KANSL1: variants seen among roughly 807,000 people sequenced by gnomAD.
KANSL1 encodes KAT8 regulatory NSL complex subunit 1.
Under a neutral mutation model 103.6 loss-of-function variants are expected in KANSL1, and 22 were observed. That is an observed-to-expected ratio of 0.21 (90% CI 0.15 to 0.30). The LOEUF is 0.30. Ranked by LOEUF, KANSL1 falls within the 10% of genes least tolerant of loss-of-function variation. KANSL1 has a pLI of 1.00. For missense variants in KANSL1, 1,337 were observed against 1,399.8 expected (o/e 0.96, Z 0.72); for synonymous variants, 600 against 527.6 (o/e 1.14, Z -1.88).
At chr17:46,055,517 A>T (rs1465496058) in intron 6 of KANSL1, among the ~76,000 whole-genome samples, 1 of 152,128 alleles carries the variant, frequency 6.6e-6, no homozygotes, top group Non-Finnish European at 1.5e-5. Flanking sequence ...AACAACAAAA[A>T]ATGCCCTGGA....
intron 1 of KANSL1, among the ~76,000 whole-genome samples, chr17:46,206,027 T>C (rs1477193756): frequency 6.9e-6 from 1 of 144,290 alleles, no homozygotes; most frequent in Non-Finnish European, 1.5e-5. Flanking sequence ...CAGTGAGCCA[T>C]GATTGCATTA....
intron 2 of KANSL1, among the ~76,000 whole-genome samples, chr17:46,124,842 G>A (rs913437079): frequency 6.6e-6 from 1 of 151,674 alleles, no homozygotes; most frequent in South Asian, 2.1e-4. Context: ...CTGCAATCTC[G>A]TGATAAAACT....
chr17:46,075,402 T>C (rs996504809), intron 4 of KANSL1, among the ~76,000 whole-genome samples: 5 of 152,200 alleles, frequency 3.3e-5, no homozygotes, highest in Non-Finnish European at 7.3e-5. Flanking sequence ...AGTGGCACAA[T>C]CTTGGCTCAT....
chr17:46,134,965 G>A, intron 2 of KANSL1, among the ~76,000 whole-genome samples: 1 of 152,156 alleles, frequency 6.6e-6, no homozygotes, highest in Non-Finnish European at 1.5e-5. Context: ...AAATCTTGTA[G>A]AGACCAGTAG....
At chr17:46,138,923 T>C (rs2044284427) in intron 2 of KANSL1, among the ~76,000 whole-genome samples, 1 of 152,240 alleles carries the variant, frequency 6.6e-6, no homozygotes, top group African/African-American at 2.4e-5. Context: ...AATCCTGTGA[T>C]AGAATTCATT....
intron 3 of KANSL1, among the ~76,000 whole-genome samples, 188 bp from the exon 4 acceptor site, chr17:46,082,730 C>T (rs906573556): frequency 6.6e-6 from 1 of 152,020 alleles, no homozygotes; most frequent in South Asian, 2.1e-4. Flanking sequence ...AGCAGCAGAC[C>T]CAGGCTCCCC....
chr17:46,063,566 G>A (rs1051752777), intron 6 of KANSL1, among the ~76,000 whole-genome samples: 1 of 152,200 alleles, frequency 6.6e-6, no homozygotes, highest in Non-Finnish European at 1.5e-5. Flanking sequence ...ATTTCCCAAA[G>A]TCAACTAATT....
intron 6 of KANSL1, among the ~76,000 whole-genome samples, chr17:46,066,336 G>A (rs1422903074): frequency 6.6e-6 from 1 of 152,176 alleles, no homozygotes; most frequent in Non-Finnish European, 1.5e-5. Flanking sequence ...GAGTCACCGA[G>A]GAGCTTTGTG....
At chr17:46,031,873 C>T (rs886344214) in intron 14 of KANSL1, 170 bp from the exon 15 acceptor site, 15 of 1,070,100 alleles carry the variant, frequency 1.4e-5, no homozygotes, top group Non-Finnish European at 1.9e-5. Flanking sequence ...CTGTATTGAT[C>T]ATTTAGCAGT....
At chr17:46,059,647 A>AGAGAGAGAGAGAG (rs149985527) in intron 6 of KANSL1, among the ~76,000 whole-genome samples, 139 of 54,860 alleles carry the variant, frequency 2.5e-3, no homozygotes, top group Non-Finnish European at 3.2e-3. Flanking sequence ...AAAAAAAAAA[A>AGAGAGAGAGAGAG]AGAGAGAGAG....
At chr17:46,191,989 C>T in intron 1 of KANSL1, among the ~76,000 whole-genome samples, 1 of 132,610 alleles carries the variant, frequency 7.5e-6, no homozygotes. Flanking sequence ...CTCCAGTGAC[C>T]TCCAGGATAA....
chr17:46,148,563 C>G (rs1022575901), intron 2 of KANSL1, among the ~76,000 whole-genome samples: 1 of 152,000 alleles, frequency 6.6e-6, no homozygotes, highest in Non-Finnish European at 1.5e-5. Context: ...CCTCTTCTAA[C>G]CCAAATCACC....
chr17:46,061,310 C>A (rs2078150414), intron 6 of KANSL1, among the ~76,000 whole-genome samples: 1 of 151,954 alleles, frequency 6.6e-6, no homozygotes, highest in Non-Finnish European at 1.5e-5. Flanking sequence ...TAAAAAGCAA[C>A]CTTATTTGAA....
chr17:46,173,515 T>TTC (rs1179079839), intron 1 of KANSL1, among the ~76,000 whole-genome samples: 2 of 152,230 alleles, frequency 1.3e-5, no homozygotes, highest in African/African-American at 4.8e-5. Context: ...AAGCCAGTTG[T>TTC]TCTTTAAAGT....
intron 7 of KANSL1, among the ~76,000 whole-genome samples, chr17:46,048,920 T>C (rs2077608046): frequency 6.6e-6 from 1 of 152,224 alleles, no homozygotes; most frequent in Admixed American, 6.5e-5. Flanking sequence ...AATCAGACTT[T>C]AGATATTAAC....
At chr17:46,096,302 C>CTTTTTTTTTTTTTTT (rs1273083741) in intron 2 of KANSL1, among the ~76,000 whole-genome samples, 3 of 82,566 alleles carry the variant, frequency 3.6e-5, no homozygotes, top group East Asian at 1.2e-3. Flanking sequence ...ACATACCTGG[C>CTTTTTTTTTTTTTTT]TTTTTTTTCT....
At chr17:46,188,334 A>C (rs940851249) in intron 1 of KANSL1, among the ~76,000 whole-genome samples, 5 of 152,256 alleles carry the variant, frequency 3.3e-5, no homozygotes, top group African/African-American at 1.2e-4. Flanking sequence ...CTGATGAGGG[A>C]AACTTATCTT....
At chr17:46,079,611 G>A (rs116627064) in intron 4 of KANSL1, among the ~76,000 whole-genome samples, 444 of 152,166 alleles carry the variant, frequency 2.9e-3, no homozygotes, top group African/African-American at 1.0e-2. Context: ...TTTTTATCTG[G>A]TATTAAAATA....
Position 46,136,979 on chromosome 17 carries a change from T to G in KANSL1, c.1289+33876A>C, listed in dbSNP as rs564413317. ...CAGCTAAACCTCAAAAAAATTGTAA[T>G]TCCCTAATTATTTCCAGATTAAAAC... On this transcript the variant is annotated intron_variant, in intron 2 of 14. Transcript: ENST00000432791. Among the ~76,000 whole-genome samples the G allele has an allele frequency of 6.6e-5, 10 of 152,358 alleles. No individual in the cohort carries two copies. The South Asian group carries it at 1.9e-3, about 28-fold the overall frequency.
Sources: allele counts gnomAD v4.1 joint callset (sites outside exome capture counted in the v4.1 genomes callset), GRCh38; gene constraint gnomAD v4.1.1; transcripts MANE v1.5; gene names NCBI Gene and HGNC (gene_info 2026-07-23, HGNC 2026-07-21).